Variants in NPAS3 observed in about 807,000 individuals in gnomAD.
The protein encoded by NPAS3 is neuronal PAS domain-containing protein 3.
NPAS3 carries 14 observed loss-of-function variants against 73.1 expected under a neutral mutation model. That is an observed-to-expected ratio of 0.19 (90% CI 0.13 to 0.30). The LOEUF is 0.30. NPAS3 is among the 10% of genes least tolerant of loss of function. The pLI, the probability that NPAS3 is intolerant of heterozygous loss-of-function variation, is 1.00. For missense variants in NPAS3, 1,096 were observed against 1,250.0 expected, an observed-to-expected ratio of 0.88 and a Z score of 1.86; for synonymous variants, 620 against 541.5, an observed-to-expected ratio of 1.14 and a Z score of -2.01.
chr14:32,949,045 A>G (rs1207660605), intron 1 of NPAS3, among the ~76,000 whole-genome samples: 2 of 152,126 alleles, frequency 1.3e-5, no homozygotes, highest in Non-Finnish European at 2.9e-5. Flanking sequence ...ATACAGGGTA[A>G]GGCACAATGT....
At chr14:33,444,147 G>GTCTC (rs1178921778) in intron 4 of NPAS3, among the ~76,000 whole-genome samples, 2 of 152,174 alleles carry the variant, frequency 1.3e-5, no homozygotes, top group African/African-American at 4.8e-5. Flanking sequence ...ATGTCTGTCT[G>GTCTC]TTCACTATGC....
chr14:33,331,625 C>A (rs10140880), intron 3 of NPAS3, among the ~76,000 whole-genome samples: 2 of 151,002 alleles, frequency 1.3e-5, no homozygotes, highest in Non-Finnish European at 2.9e-5. Context: ...CTCTTTAATT[C>A]GCTGCTTCAG....
intron 3 of NPAS3, among the ~76,000 whole-genome samples, chr14:33,335,141 A>G (rs1343620757): frequency 6.6e-6 from 1 of 151,658 alleles, no homozygotes; most frequent in East Asian, 1.9e-4. Flanking sequence ...GCAATTGCAA[A>G]TTGTGCTGCT....
At chr14:33,681,577 AG>A (rs2140361087) in intron 6 of NPAS3, among the ~76,000 whole-genome samples, 1 of 152,342 alleles carries the variant, frequency 6.6e-6, no homozygotes, top group Admixed American at 6.5e-5. Flanking sequence ...TACTGGGGAA[AG>A]GCATACAGTG....
intron 2 of NPAS3, among the ~76,000 whole-genome samples, chr14:33,123,604 G>A (rs1358170112): frequency 1.3e-5 from 2 of 152,030 alleles, no homozygotes; most frequent in Non-Finnish European, 2.9e-5. Context: ...GCAGATAGTC[G>A]GGAGGAGAAG....
intron 6 of NPAS3, among the ~76,000 whole-genome samples, chr14:33,729,614 C>T (rs569975448): frequency 2.0e-5 from 3 of 152,236 alleles, no homozygotes; most frequent in Non-Finnish European, 2.9e-5. Context: ...AGTAGGAAGC[C>T]TCAGTTCCTT....
At chr14:33,717,096 T>C (rs540485773) in intron 6 of NPAS3, among the ~76,000 whole-genome samples, 1 of 150,812 alleles carries the variant, frequency 6.6e-6, no homozygotes, top group South Asian at 2.1e-4. Flanking sequence ...TGGGAGTTGA[T>C]GTTGTTAGAA....
intron 2 of NPAS3, among the ~76,000 whole-genome samples, chr14:33,211,636 T>C (rs557944818): frequency 6.6e-6 from 1 of 152,214 alleles, no homozygotes; most frequent in Non-Finnish European, 1.5e-5. Flanking sequence ...GAAAATTTAC[T>C]ATTTCTCCTA....
At chr14:33,292,723 C>T (rs778480702) in intron 3 of NPAS3, among the ~76,000 whole-genome samples, 10 of 151,964 alleles carry the variant, frequency 6.6e-5, no homozygotes, top group South Asian at 4.2e-4. Flanking sequence ...AGGGGGAGTC[C>T]GCATTCAACT....
intron 3 of NPAS3, among the ~76,000 whole-genome samples, chr14:33,358,295 A>G (rs1029904350): frequency 6.6e-6 from 1 of 152,168 alleles, no homozygotes; most frequent in Non-Finnish European, 1.5e-5. Context: ...CCAAATGGAC[A>G]TTGGTCTACC....
chr14:33,302,873 A>G (rs1180270018), intron 3 of NPAS3, among the ~76,000 whole-genome samples: 1 of 150,202 alleles, frequency 6.7e-6, no homozygotes, highest in Non-Finnish European at 1.5e-5. Context: ...CCTATGGATG[A>G]TGTGGTTGTG....
chr14:33,023,355 C>T (rs1170880022), intron 1 of NPAS3, among the ~76,000 whole-genome samples: 1 of 152,032 alleles, frequency 6.6e-6, no homozygotes, highest in Non-Finnish European at 1.5e-5. Context: ...CCCATGACAT[C>T]ACTTTTGGAA....
intron 2 of NPAS3, among the ~76,000 whole-genome samples, chr14:33,111,929 T>G (rs2042910138): frequency 6.6e-6 from 1 of 152,156 alleles, no homozygotes; most frequent in East Asian, 1.9e-4. Flanking sequence ...TTTGGTTTTT[T>G]GTCCTTGGTG....
At chr14:33,357,824 G>A (rs997229936) in intron 3 of NPAS3, among the ~76,000 whole-genome samples, 3 of 152,274 alleles carry the variant, frequency 2.0e-5, no homozygotes, top group South Asian at 2.1e-4. Flanking sequence ...AAATCAGGGC[G>A]GGACATGTCA....
Position 33,033,343 on chromosome 14 carries a change from G to C in NPAS3, c.51-22562G>C, listed in dbSNP as rs148636220. On this transcript the variant is annotated intron_variant, in intron 1 of 11. Coordinates refer to ENST00000356141, the Ensembl canonical transcript of NPAS3. ...AAAATACAAAAATTAGCCAGGGGTG[G>C]TGGTGGGTGCCTGTAATCCCAGCTA... Among the ~76,000 whole-genome samples the C allele has an allele frequency of 3.9e-3, 596 of 152,100 alleles. 4 individuals are homozygous for C. The highest frequency in any genetic ancestry group is 0.012 in the African/African-American group (496 of 41,482).
At chr14:33,669,531 G>A (rs1366545164) in intron 5 of NPAS3, among the ~76,000 whole-genome samples, 1 of 152,170 alleles carries the variant, frequency 6.6e-6, no homozygotes, top group African/African-American at 2.4e-5. Flanking sequence ...TGCTTGCATA[G>A]TATGGTGTGA....
At chr14:33,799,443 T>C (rs563804243) in intron 11 of NPAS3, among the ~76,000 whole-genome samples, 1 of 152,174 alleles carries the variant, frequency 6.6e-6, no homozygotes, top group Non-Finnish European at 1.5e-5. Context: ...TCTGATTCAG[T>C]CTACCTGGGT....
At chr14:33,152,582 A>G (rs2139251417) in intron 2 of NPAS3, among the ~76,000 whole-genome samples, 1 of 152,240 alleles carries the variant, frequency 6.6e-6, no homozygotes, top group African/African-American at 2.4e-5. Context: ...ATTTCTAAAA[A>G]TGTCTCTATT....
At chr14:33,297,801 C>G (rs919287387) in intron 3 of NPAS3, among the ~76,000 whole-genome samples, 4 of 152,154 alleles carry the variant, frequency 2.6e-5, no homozygotes, top group African/African-American at 7.2e-5. Flanking sequence ...GGTGTTGGAG[C>G]CTTGTGCTGC....
Sources: gnomAD v4.1 joint callset for allele counts (sites outside exome capture counted in the v4.1 genomes callset) on GRCh38, gnomAD v4.1.1 for gene constraint, MANE v1.5 for transcripts, NCBI Gene and HGNC (gene_info 2026-07-23, HGNC 2026-07-21) for gene names.